The following NLRP1 variants were observed in gnomAD, a reference collection of about 807,000 sequenced individuals.
NLRP1 encodes the protein NLR family pyrin domain containing 1, also known as NACHT, LRR and PYD domains-containing protein 1.
In NLRP1, 94 loss-of-function variants were observed where a neutral mutation model predicts 136.7. The ratio of observed to expected loss-of-function variants is 0.69; its 90% CI spans 0.58 to 0.82. The LOEUF (loss-of-function observed/expected upper bound fraction) is 0.82, where lower values mean the gene tolerates loss of function less well. NLRP1 is among the 40% of genes least tolerant of loss of function. NLRP1 has a pLI of 0.00. For synonymous variants in NLRP1, 690 were observed against 725.1 expected (o/e 0.95, Z 0.78); for missense variants, 1,575 against 1,802.7 (o/e 0.87, Z 2.29).
chr17:5,510,421 G>A (rs1257367007), downstream of NLRP1, among the ~76,000 whole-genome samples: 15 of 151,422 alleles, frequency 9.9e-5, no homozygotes, highest in Middle Eastern at 3.6e-3. Context: ...GGGCAATGGC[G>A]TGATCTCGGC....
At chr17:5,534,563 T>G (rs1910774948) in intron 8 of NLRP1, among the ~76,000 whole-genome samples, 2 of 152,072 alleles carry the variant, frequency 1.3e-5, no homozygotes, top group South Asian at 4.1e-4. Context: ...AGCTCTTCTT[T>G]CTATTGTCTT....
At chr17:5,531,434 G>T (rs1247141141) in intron 11 of NLRP1, among the ~76,000 whole-genome samples, 1 of 152,064 alleles carries the variant, frequency 6.6e-6, no homozygotes, top group Non-Finnish European at 1.5e-5. Flanking sequence ...GTCCAGGCTG[G>T]CCTTGAACTC....
At position 5,582,684 on chromosome 17, in the gene NLRP1, C is replaced by T; in HGVS notation, c.434G>A (p.Gly145Glu). Residue 145 changes from glycine (G) to glutamate (E), a missense_variant, in exon 2 of 17, where the codon GGA becomes GAA. Transcript: ENST00000572272. The part of the protein sequence containing the change: ...RVLRQLPDTS[G>E]RRWREISASL... ...GCAAGCCTCACCTCTCCAGCGGCGTCCAGATGTGTCAGGCAGCTGTCTCAA... is the reference window on the plus strand; with the variant it reads ...GCAAGCCTCACCTCTCCAGCGGCGTTCAGATGTGTCAGGCAGCTGTCTCAA... 1 of 1,614,156 alleles carries T rather than the reference C, an allele frequency of 6.2e-7. No homozygotes were observed. The highest frequency in any genetic ancestry group is 8.5e-7 in the Non-Finnish European group (1 of 1,180,018).
In NLRP1 at chr17:5,541,859, C is replaced by T. The variant is rs1051100000; in HGVS notation, c.2697G>A (p.Leu899=). The change falls in exon 6 of 17, where the codon CTG becomes CTA. Residue 899 remains leucine, a splice_region_variant and synonymous_variant. Transcript: ENST00000572272. This position sits in a 1 kb window ranked among gnomAD's most constrained non-coding sequence, Gnocchi z 4.2. ...LRQPSCKLQR[L]QLVSCGLTSD... ...CCCTGCCCACCAAGAACAATTACTG[C>T]AGTCGCTGTAGCTTGCAGCTCGGCT... is the stretch of plus-strand genomic sequence containing the variant. 1.2e-6 allele frequency: 2 copies of T among 1,613,800 alleles called. No individual in the cohort carries two copies. The highest frequency in any genetic ancestry group is 1.1e-5 in the South Asian group (1 of 91,080).
rs201734090 is a variant in NLRP1, at chr17:5,558,619, G to A, written c.2077C>T (p.Arg693Trp). ...EREMENIFHC[R>W]LSQGRNLMQW... ...ATCAGGTTCCTCCCCTGAGACAGCC[G>A]GCAGTGAAAGATGTTCTCCATCTCT... Residue 693 changes from arginine to tryptophan, a missense_variant, in exon 4 of 17, where the codon CGG becomes TGG. Arg to Trp is a moderately radical substitution (Grantham distance 101, BLOSUM62 -3). Transcript: ENST00000572272. 79 of 1,613,918 alleles carry A rather than the reference G, an allele frequency of 4.9e-5. No individual in the cohort carries two copies. Among genetic ancestry groups the A allele is most frequent in the South Asian group, 2.4e-4 (22 of 91,082 alleles).
At chr17:5,573,196 G>C (rs1172260845) in intron 3 of NLRP1, among the ~76,000 whole-genome samples, 2 of 152,210 alleles carry the variant, frequency 1.3e-5, no homozygotes, top group Non-Finnish European at 2.9e-5. Flanking sequence ...AGAGGGTCCT[G>C]TACCCACGGA....
intron 3 of NLRP1, among the ~76,000 whole-genome samples, chr17:5,569,210 C>T (rs1301033798): frequency 1.3e-5 from 2 of 152,134 alleles, no homozygotes; most frequent in Admixed American, 6.5e-5. Flanking sequence ...CAAGCAACTA[C>T]AAAATCAAGT....
chr17:5,535,521 T>C (rs1182017352), intron 8 of NLRP1, among the ~76,000 whole-genome samples: 1 of 150,346 alleles, frequency 6.7e-6, no homozygotes, highest in Non-Finnish European at 1.5e-5. Flanking sequence ...CCAGGTCAAA[T>C]AGGCCCATAG....
In NLRP1 at chr17:5,558,598, G is replaced by C; in HGVS notation, c.2098C>G (p.Leu700Val). The C allele has an allele frequency of 3.1e-6, 5 of 1,614,090 alleles. No individual in the cohort carries two copies. The highest frequency in any genetic ancestry group is 4.2e-6 in the Non-Finnish European group (5 of 1,180,018). The change falls in exon 4 of 17, where the codon CTG becomes GTG. Residue 700 changes from leucine to valine, a missense_variant. Transcript: ENST00000572272. ...FHCRLSQGRN[L>V]MQWVPSLQLL... ...TGCAGGGACGGGACCCACTGCATCA[G>C]GTTCCTCCCCTGAGACAGCCGGCAG...
chr17:5,552,015 T>C (rs1256625970), intron 5 of NLRP1, among the ~76,000 whole-genome samples: 3 of 151,730 alleles, frequency 2.0e-5, no homozygotes, highest in Non-Finnish European at 4.4e-5. Flanking sequence ...CCTAAGGCAA[T>C]TGTCCTGCCT....
intron 3 of NLRP1, among the ~76,000 whole-genome samples, chr17:5,581,345 CTT>C (rs1905619226): frequency 6.6e-6 from 1 of 152,208 alleles, no homozygotes; most frequent in Non-Finnish European, 1.5e-5. Context: ...GTGAGACTAT[CTT>C]TTTAATCCTT....
Position 5,559,389 on chromosome 17 carries a change from G to A in NLRP1, c.1307C>T (p.Ala436Val), listed in dbSNP as rs150958602. 6.8e-5 allele frequency: 110 copies of A among 1,613,878 alleles called. No homozygotes were observed. Among genetic ancestry groups the A allele is most frequent in the South Asian group, 4.3e-4 (39 of 91,060 alleles). ...LCLHWSQPQP[A>V]DALLGSLLGK... ...CAGCAAACTGCCCAGCAGTGCATCCGCCGGCTGTGGCTGGCTCCAGTGCAG... is the reference window on the plus strand; with the variant it reads ...CAGCAAACTGCCCAGCAGTGCATCCACCGGCTGTGGCTGGCTCCAGTGCAG... Residue 436 changes from alanine (A) to valine (V), a missense_variant, in exon 4 of 17, where the codon GCG becomes GTG. By Grantham distance (64) the Ala-to-Val change is moderately conservative. Transcript: ENST00000572272.
At chr17:5,555,477 A>G (rs560540717) in intron 4 of NLRP1, among the ~76,000 whole-genome samples, 3 of 152,168 alleles carry the variant, frequency 2.0e-5, no homozygotes. Flanking sequence ...TTAAGGCTCC[A>G]CTTGCTCCCG....
At position 5,541,734 on chromosome 17, in the gene NLRP1, G is replaced by T; in HGVS notation, c.2699+123C>A. 1.0e-6 allele frequency: 1 copy of T among 965,764 alleles called. No homozygotes were observed. The allele number at this position is 965,764 out of a possible 1,614,324, so 59.8% of individuals were successfully genotyped here. A position where few individuals can be genotyped will look rare whatever the true frequency, so the allele number is the denominator to read the frequency against. Reference sequence around the variant, plus strand: ...TCCTGAGCCTCTACTGCCTGGCTGAGATCCTGTAGGCTCCTCCCACTCCCA... The same window carrying T: ...TCCTGAGCCTCTACTGCCTGGCTGATATCCTGTAGGCTCCTCCCACTCCCA... On this transcript the variant is annotated intron_variant, in intron 6 of 16. Transcript: ENST00000572272. This position sits in a 1 kb window ranked among gnomAD's most constrained non-coding sequence, Gnocchi z 4.2.
chr17:5,542,789 C>T (rs1197545077), intron 5 of NLRP1, among the ~76,000 whole-genome samples: 1 of 146,028 alleles, frequency 6.8e-6, no homozygotes, highest in Non-Finnish European at 1.5e-5. Context: ...CTCCCTCCCT[C>T]CTTTCTTTCT....
chr17:5,520,756 C>T, intron 14 of NLRP1, 125 bp downstream of exon 14: 1 of 884,544 alleles, frequency 1.1e-6, no homozygotes, highest in Non-Finnish European at 1.6e-6. Flanking sequence ...CTCTAAATCC[C>T]ACTCACTTTC....
At chr17:5,577,626 A>G (rs1319672810) in intron 3 of NLRP1, among the ~76,000 whole-genome samples, 1 of 152,224 alleles carries the variant, frequency 6.6e-6, no homozygotes, top group Non-Finnish European at 1.5e-5. Flanking sequence ...AAACAAATGG[A>G]AGAACATTCC....
intron 3 of NLRP1, among the ~76,000 whole-genome samples, chr17:5,572,329 A>C (rs535215172): frequency 1.3e-5 from 2 of 152,348 alleles, no homozygotes; most frequent in East Asian, 3.9e-4. Context: ...AGAATGGGAG[A>C]AAATATTTGC....
chr17:5,551,358 T>C (rs952876198), intron 5 of NLRP1, among the ~76,000 whole-genome samples: 3 of 152,228 alleles, frequency 2.0e-5, no homozygotes, highest in African/African-American at 7.2e-5. Context: ...TGTAGCTTGA[T>C]AGCTTATTTC....
Sources: gnomAD v4.1 joint callset for allele counts (sites outside exome capture counted in the v4.1 genomes callset) on GRCh38, gnomAD v4.1.1 for gene constraint, Gnocchi (gnomAD v3.1) non-coding constraint, MANE v1.5 for transcripts, NCBI Gene and HGNC (gene_info 2026-07-23, HGNC 2026-07-21) for gene names.